DDI2: variants seen among roughly 807,000 people sequenced by gnomAD.
DDI2 encodes the protein DDI proteasomal shuttling factor 2.
In DDI2, 5 loss-of-function variants were observed where a neutral mutation model predicts 48.1. That is an observed-to-expected ratio of 0.10 (90% CI 0.05 to 0.22). The LOEUF (loss-of-function observed/expected upper bound fraction) is 0.22. DDI2 is among the 10% of genes least tolerant of loss of function. The pLI is 1.00. For missense variants in DDI2, 285 were observed against 506.2 expected (o/e 0.56, Z 4.19); for synonymous variants, 205 against 183.6 (o/e 1.12, Z -0.94).
intron 8 of DDI2, 129 bp downstream of exon 8, chr1:15,652,024 T>C (rs1640192183): frequency 2.4e-6 from 2 of 841,228 alleles, no homozygotes; most frequent in Non-Finnish European, 3.3e-6. Flanking sequence ...GATGTGTTCA[T>C]TATTTGTCTT....
Position 15,661,938 on chromosome 1 carries a change from G to T in DDI2, c.*2148G>T, listed in dbSNP as rs1640390605. 3 of 635,690 alleles carry T rather than the reference G, an allele frequency of 4.7e-6. No individual in the cohort carries two copies. The highest frequency in any genetic ancestry group is 7.1e-6 in the Non-Finnish European group (3 of 420,322). 39.4% of individuals were successfully genotyped at this position (635,690 alleles called of 1,614,324 possible). A position where few individuals can be genotyped will look rare whatever the true frequency, so the allele number is the denominator to read the frequency against. On this transcript the variant is annotated 3_prime_UTR_variant, in exon 10 of 10. Transcript: ENST00000480945. ...TGTCTATCCTACTTGTTAAAATTTA[G>T]GCCTTTTTAAATGTATTGGCAGTAT...
rs1640489565 is a variant in DDI2, at chr1:15,668,860, C to A, written c.*9070C>A. The A allele has an allele frequency of 6.6e-6, 1 of 152,152 alleles. No individual in the cohort carries two copies. Among genetic ancestry groups the A allele is most frequent in the Non-Finnish European group, 1.5e-5 (1 of 68,052 alleles). 9.4% of individuals were successfully genotyped at this position (152,152 alleles called of 1,614,324 possible). A position where few individuals can be genotyped will look rare whatever the true frequency, so the allele number is the denominator to read the frequency against. On this transcript the variant is annotated 3_prime_UTR_variant, in exon 10 of 10. Transcript: ENST00000480945. ...TTCGTTTAGGGGCTGAACATAGGACCTGTCTGAAACTGAGTGAGCTAGATG... is the reference window on the plus strand; with the variant it reads ...TTCGTTTAGGGGCTGAACATAGGACATGTCTGAAACTGAGTGAGCTAGATG...
At chr1:15,644,587 GT>G (rs138470671) in intron 6 of DDI2, among the ~76,000 whole-genome samples, 255 of 57,808 alleles carry the variant, frequency 4.4e-3, no homozygotes, top group African/African-American at 0.018. Context: ...AGTTTTTTTT[GT>G]TTTTTTTTTT....
At position 15,668,376 on chromosome 1, in the gene DDI2, A is replaced by G. The variant is rs573684770; in HGVS notation, c.*8586A>G. On this transcript the variant is annotated 3_prime_UTR_variant, in exon 10 of 10. Coordinates refer to ENST00000480945, the MANE Select transcript of DDI2 (RefSeq NM_032341.5). Reference sequence around the variant, plus strand: ...TTCCCATTTGAATGACTAGATTTCTATTCTATCCCCGATCATCCTTTTGAA... The same window carrying G: ...TTCCCATTTGAATGACTAGATTTCTGTTCTATCCCCGATCATCCTTTTGAA... The G allele has an allele frequency of 5.9e-5, 9 of 152,310 alleles. No homozygotes were observed. Among genetic ancestry groups the G allele is most frequent in the South Asian group, 2.1e-4 (1 of 4,824 alleles). The allele number at this position is 152,310 out of a possible 1,614,324, so 9.4% of individuals were successfully genotyped here. A position where few individuals can be genotyped will look rare whatever the true frequency, so the allele number is the denominator to read the frequency against.
At chr1:15,623,309 T>C (rs1639698418) in intron 1 of DDI2, among the ~76,000 whole-genome samples, 1 of 152,026 alleles carries the variant, frequency 6.6e-6, no homozygotes, top group South Asian at 2.1e-4. Flanking sequence ...TTTAGGGTTA[T>C]GTTCGGGAAA....
intron 9 of DDI2, 180 bp downstream of exon 9, chr1:15,656,859 ACTC>A (rs1302525417): frequency 1.3e-6 from 1 of 760,520 alleles, no homozygotes; most frequent in East Asian, 3.0e-5. Flanking sequence ...TGTAACATAA[ACTC>A]CTGTTTAAAA....
chr1:15,651,574 C>T (rs1385506957), intron 7 of DDI2, 132 bp from the exon 8 acceptor site: 26 of 780,114 alleles, frequency 3.3e-5, no homozygotes, highest in Non-Finnish European at 3.8e-5. Context: ...CCTCCTCAGC[C>T]TCCCAAAGTG....
chr1:15,636,991 A>G (rs1255162164), intron 4 of DDI2, among the ~76,000 whole-genome samples: 1 of 152,188 alleles, frequency 6.6e-6, no homozygotes, highest in Non-Finnish European at 1.5e-5. Context: ...CAAATCTTAG[A>G]AGCTGTTCTG....
At chr1:15,644,693 A>C (rs572654434) in intron 6 of DDI2, among the ~76,000 whole-genome samples, 35 of 136,444 alleles carry the variant, frequency 2.6e-4, no homozygotes, top group African/African-American at 9.5e-4. Context: ...TCCTGGGTTC[A>C]CACCATTCTC....
At chr1:15,657,414 C>G (rs1167505009) in intron 9 of DDI2, among the ~76,000 whole-genome samples, 1 of 152,118 alleles carries the variant, frequency 6.6e-6, no homozygotes, top group Non-Finnish European at 1.5e-5. Flanking sequence ...TTTCCTTTTT[C>G]TTTTCCTTGT....
chr1:15,663,005 G>T lies in DDI2; in HGVS notation c.*3215G>T, dbSNP rs149265335. On this transcript the variant is annotated 3_prime_UTR_variant, in exon 10 of 10. Transcript: ENST00000480945. ...TAAGGACTAGCCCTTGGAAATCATT[G>T]TCCTGTGGGCCCCACTGTGCAATAA... 24 of 152,128 alleles carry T rather than the reference G, an allele frequency of 1.6e-4. No individual in the cohort carries two copies. The highest frequency in any genetic ancestry group is 5.3e-4 in the African/African-American group (22 of 41,496). 9.4% of individuals were successfully genotyped at this position (152,128 alleles called of 1,614,324 possible).
Position 15,661,351 on chromosome 1 carries a change from A to G in DDI2, c.*1561A>G. On this transcript the variant is annotated 3_prime_UTR_variant, in exon 10 of 10. Transcript: ENST00000480945. ...CACCTTAGGTGTAGAAATTTCACCC[A>G]AACTTTTAGCAGGTGAGGAGGATGC... The G allele has an allele frequency of 1.2e-6, 2 of 1,614,140 alleles. No individual in the cohort carries two copies. The highest frequency in any genetic ancestry group is 3.3e-5 in the Admixed American group (2 of 60,022).
At chr1:15,643,384 T>C in intron 5 of DDI2, 138 bp from the exon 6 acceptor site, 1 of 1,196,348 alleles carries the variant, frequency 8.4e-7, no homozygotes, top group Non-Finnish European at 1.1e-6. Flanking sequence ...GGGCACTTGC[T>C]AGGTAGAAAT....
chr1:15,652,289 C>G (rs1363796161), intron 8 of DDI2, among the ~76,000 whole-genome samples: 1 of 151,682 alleles, frequency 6.6e-6, no homozygotes, highest in Admixed American at 6.6e-5. Flanking sequence ...AACTCCTGGG[C>G]TCAAGCAGTC....
At chr1:15,648,002 T>G (rs1432606544) in intron 6 of DDI2, among the ~76,000 whole-genome samples, 1 of 152,224 alleles carries the variant, frequency 6.6e-6, no homozygotes, top group Non-Finnish European at 1.5e-5. Flanking sequence ...GAGTGGTTTC[T>G]TATTGTAAGT....
At chr1:15,630,119 C>A (rs1283911583) in intron 2 of DDI2, among the ~76,000 whole-genome samples, 1 of 152,038 alleles carries the variant, frequency 6.6e-6, no homozygotes, top group Non-Finnish European at 1.5e-5. Flanking sequence ...ACTACCATCA[C>A]CTTCCCCCTA....
chr1:15,623,799 G>A (rs527803522), intron 1 of DDI2, among the ~76,000 whole-genome samples: 1 of 151,980 alleles, frequency 6.6e-6, no homozygotes, highest in Admixed American at 6.6e-5. Flanking sequence ...AGTGACTCAC[G>A]TCTGTAATCC....
chr1:15,654,806 C>T (rs910272371), intron 8 of DDI2, among the ~76,000 whole-genome samples: 12 of 152,140 alleles, frequency 7.9e-5, no homozygotes, highest in Non-Finnish European at 1.8e-4. Flanking sequence ...TAGTTTTAAT[C>T]TTACCTGCAA....
chr1:15,638,447 T>C lies in DDI2; in HGVS notation c.760+13T>C. 1.9e-6 allele frequency: 3 copies of C among 1,612,862 alleles called. No individual in the cohort carries two copies. Among genetic ancestry groups the C allele is most frequent in the Non-Finnish European group, 2.5e-6 (3 of 1,179,352 alleles). ...TTTGTTGACTCAGGTGACGTCTCTG[T>C]CTTTTATTTCTTGGTCTCCCCTCCA... On this transcript the variant is annotated intron_variant, in intron 5 of 9. Coordinates refer to ENST00000480945, the MANE Select transcript of DDI2 (RefSeq NM_032341.5).
Sources: allele counts gnomAD v4.1 joint callset (sites outside exome capture counted in the v4.1 genomes callset), GRCh38; gene constraint gnomAD v4.1.1; transcripts MANE v1.5; gene names NCBI Gene and HGNC (gene_info 2026-07-23, HGNC 2026-07-21).